Variants in CNBD1 observed in about 807,000 individuals in gnomAD.
The protein encoded by CNBD1 is cyclic nucleotide-binding domain-containing protein 1.
Under a neutral mutation model 54.4 loss-of-function variants are expected in CNBD1, and 71 were observed. That is an observed-to-expected ratio of 1.30 (90% CI 1.08 to 1.59). The LOEUF (loss-of-function observed/expected upper bound fraction) is 1.59, where lower values mean the gene tolerates loss of function less well. Ranked by LOEUF, CNBD1 falls within the 40% of genes most tolerant of loss-of-function variation. CNBD1 has a pLI of 0.00. For missense variants in CNBD1, 659 were observed against 518.0 expected, an observed-to-expected ratio of 1.27 and a Z score of -2.64; for synonymous variants, 182 against 170.7, an observed-to-expected ratio of 1.07 and a Z score of -0.51.
chr8:87,090,302 T>C (rs907123958), intron 4 of CNBD1, among the ~76,000 whole-genome samples: 2 of 152,194 alleles, frequency 1.3e-5, no homozygotes, highest in African/African-American at 2.4e-5. Flanking sequence ...TGCTAACTTA[T>C]TTTGAATGAC....
At chr8:87,121,429 A>T (rs1204411968) in intron 4 of CNBD1, among the ~76,000 whole-genome samples, 1 of 151,852 alleles carries the variant, frequency 6.6e-6, no homozygotes, top group Non-Finnish European at 1.5e-5. Flanking sequence ...ATGAGGTACA[A>T]TGTGATGTTT....
At position 87,357,990 on chromosome 8, in the gene CNBD1, C is replaced by A. The variant is rs76157531; in HGVS notation, c.1303+4204C>A. 5.6e-3 allele frequency among the ~76,000 whole-genome samples: 855 copies of A among 152,240 alleles called. 10 individuals carry two copies. Among genetic ancestry groups the A allele is most frequent in the East Asian group, 0.045 (234 of 5,170 alleles). On this transcript the variant is annotated intron_variant, in intron 10 of 10. Coordinates refer to ENST00000518476, the MANE Select transcript of CNBD1 (RefSeq NM_173538.3). ...GAGCTGGTTGTTTAAAGAAGCCTAG[C>A]AGCTCCTTTTCTCTCTCTTGCTCCC... is the stretch of plus-strand genomic sequence containing the variant.
intron 4 of CNBD1, among the ~76,000 whole-genome samples, chr8:87,003,330 A>G (rs980522848): frequency 1.2e-4 from 19 of 152,226 alleles, no homozygotes; most frequent in Non-Finnish European, 2.4e-4. Flanking sequence ...TGATTTTGCA[A>G]TATCCTAAAA....
chr8:87,333,086 A>T (rs143262270), intron 8 of CNBD1, among the ~76,000 whole-genome samples: 3 of 152,074 alleles, frequency 2.0e-5, no homozygotes, highest in African/African-American at 7.2e-5. Context: ...GAGGTTCTTC[A>T]TGTCCCTTGT....
chr8:87,104,290 A>G (rs187996286), intron 4 of CNBD1, among the ~76,000 whole-genome samples: 169 of 152,362 alleles, frequency 1.1e-3, no homozygotes, highest in African/African-American at 3.8e-3. Flanking sequence ...TATCTGAAGC[A>G]GGGTCTTTGC....
chr8:86,881,659 A>C (rs907720384), intron 1 of CNBD1, among the ~76,000 whole-genome samples: 1 of 152,228 alleles, frequency 6.6e-6, no homozygotes, highest in Non-Finnish European at 1.5e-5. Context: ...CAAAATTAGA[A>C]AAAACTATTT....
intron 4 of CNBD1, among the ~76,000 whole-genome samples, chr8:87,170,760 A>G (rs1813068254): frequency 6.6e-6 from 1 of 152,138 alleles, no homozygotes; most frequent in African/African-American, 2.4e-5. Flanking sequence ...TTCAGCATCG[A>G]TTGAAATGAT....
chr8:87,294,742 A>G (rs1486703904), intron 8 of CNBD1, among the ~76,000 whole-genome samples: 1 of 152,204 alleles, frequency 6.6e-6, no homozygotes, highest in Non-Finnish European at 1.5e-5. Flanking sequence ...GACTACTGCC[A>G]TCTGCAAATG....
At chr8:86,886,297 G>C (rs1397199568) in intron 1 of CNBD1, among the ~76,000 whole-genome samples, 1 of 152,038 alleles carries the variant, frequency 6.6e-6, no homozygotes, top group Non-Finnish European at 1.5e-5. Context: ...CTGACAGCTT[G>C]GTTCATTTAA....
At chr8:86,945,658 A>C (rs770280742) in intron 4 of CNBD1, among the ~76,000 whole-genome samples, 2 of 152,214 alleles carry the variant, frequency 1.3e-5, no homozygotes, top group Non-Finnish European at 2.9e-5. Context: ...GAAAGTTTCC[A>C]TTTGAACTTA....
In CNBD1 at chr8:87,410,022, C is replaced by CA. The variant is rs879423088; in HGVS notation, c.214-18513dup. ...TGGGTGACAGAGCGAGACTCTGTTT[C>CA]AAAAAAAAAAAGAATTAAGTTAAAT... On this transcript the variant is annotated intron_variant, in intron 2 of 7. Coordinates refer to the CNBD1 transcript ENST00000521593. Among the ~76,000 whole-genome samples, 694 of 140,316 alleles carry CA rather than the reference C, an allele frequency of 4.9e-3. 4 individuals are homozygous for CA. The highest frequency in any genetic ancestry group is 0.014 in the African/African-American group (555 of 38,276). The allele number at this position is 140,316 out of a possible 152,430, so 92.1% of individuals were successfully genotyped here.
At chr8:86,965,497 T>C (rs1253189571) in intron 4 of CNBD1, among the ~76,000 whole-genome samples, 1 of 152,152 alleles carries the variant, frequency 6.6e-6, no homozygotes, top group Non-Finnish European at 1.5e-5. Context: ...CCTCCTTAAG[T>C]CTGGCAACCA....
chr8:87,166,455 T>G lies in CNBD1; in HGVS notation c.432-39538T>G, dbSNP rs1476649508. On this transcript the variant is annotated intron_variant, in intron 4 of 10. Transcript: ENST00000518476. The surrounding 1 kb of genome is among the most constrained non-coding windows in gnomAD (Gnocchi z 4.3). ...TTACATAGCTGCTGAAATGCTCTTT[T>G]CAAAACACAAACTGATTTCATTTGT... Among the ~76,000 whole-genome samples, 2 of 151,984 alleles carry G rather than the reference T, an allele frequency of 1.3e-5. No homozygotes were observed. Among genetic ancestry groups the G allele is most frequent in the Non-Finnish European group, 2.9e-5 (2 of 67,930 alleles).
intron 4 of CNBD1, among the ~76,000 whole-genome samples, chr8:87,197,619 G>T (rs1202968187): frequency 2.0e-5 from 3 of 152,160 alleles, no homozygotes; most frequent in Non-Finnish European, 2.9e-5. Context: ...GGATACTCAT[G>T]TAGAAAGTCA....
chr8:86,890,135 T>C (rs548153784), intron 2 of CNBD1, among the ~76,000 whole-genome samples: 6 of 152,146 alleles, frequency 3.9e-5, no homozygotes, highest in Non-Finnish European at 8.8e-5. Context: ...GGCTATTATA[T>C]AAACAATACA....
intron 4 of CNBD1, 130 bp downstream of exon 4, chr8:86,939,884 G>A: frequency 1.8e-6 from 1 of 545,634 alleles, no homozygotes; most frequent in Non-Finnish European, 3.2e-6. Context: ...ATTCAGGAGA[G>A]ATGGACACAC....
At chr8:87,411,407 T>C (rs938653340) in intron 2 of CNBD1, among the ~76,000 whole-genome samples, 7 of 136,668 alleles carry the variant, frequency 5.1e-5, no homozygotes, top group African/African-American at 1.9e-4. Flanking sequence ...CATATATATA[T>C]ATATATATAT....
chr8:87,283,433 C>A (rs1286436403), intron 6 of CNBD1, among the ~76,000 whole-genome samples: 1 of 151,858 alleles, frequency 6.6e-6, no homozygotes, highest in Non-Finnish European at 1.5e-5. Context: ...GGATTGCTTT[C>A]TGTGGGAGTT....
At chr8:87,200,500 T>C (rs1184957591) in intron 4 of CNBD1, among the ~76,000 whole-genome samples, 2 of 151,526 alleles carry the variant, frequency 1.3e-5, no homozygotes, top group African/African-American at 4.8e-5. Flanking sequence ...ATCAACAAAA[T>C]AGAAAAATTT....
Sources: gnomAD v4.1 joint callset for allele counts (sites outside exome capture counted in the v4.1 genomes callset) on GRCh38, gnomAD v4.1.1 for gene constraint, Gnocchi (gnomAD v3.1) non-coding constraint, MANE v1.5 for transcripts, NCBI Gene and HGNC (gene_info 2026-07-23, HGNC 2026-07-21) for gene names.